The following PHF14 variants were observed in gnomAD, a reference collection of about 807,000 sequenced individuals.
The protein encoded by PHF14 is PHD finger protein 14.
In PHF14, 55 loss-of-function variants were observed where a neutral mutation model predicts 117.9. The observed-to-expected ratio is 0.47, with a 90% CI of 0.38 to 0.58. The LOEUF (loss-of-function observed/expected upper bound fraction) is 0.58, where lower values mean the gene tolerates loss of function less well. PHF14 is among the 20% of genes least tolerant of loss of function. The pLI is 0.00. For synonymous variants in PHF14, 409 were observed against 368.6 expected, an observed-to-expected ratio of 1.11 and a Z score of -1.26; for missense variants, 978 against 1,122.2, an observed-to-expected ratio of 0.87 and a Z score of 1.84.
chr7:11,078,063 G>A (rs1785933878), intron 16 of PHF14, among the ~76,000 whole-genome samples: 1 of 152,136 alleles, frequency 6.6e-6, no homozygotes, highest in East Asian at 1.9e-4. Context: ...AGTTCACACT[G>A]TGGTATTTGA....
chr7:11,024,473 AGAG>A lies in PHF14; in HGVS notation c.1317+1498_1317+1500del, dbSNP rs1440722319. On this transcript the variant is annotated intron_variant, in intron 6 of 17. Coordinates refer to ENST00000634607, the MANE Select transcript of PHF14 (RefSeq NM_001007157.2). ...GCCATCTAGGACTTACCATAGCTAG[AGAG>A]GAGAAGTCACTATCTGGCTTCTAAG... Among the ~76,000 whole-genome samples the A allele has an allele frequency of 3.9e-5, 6 of 152,320 alleles. No homozygotes were observed. In the East Asian group the frequency reaches 1.2e-3, roughly 29 times the overall value.
intron 2 of PHF14, among the ~76,000 whole-genome samples, chr7:10,981,413 T>C (rs1782040466): frequency 6.6e-6 from 1 of 152,194 alleles, no homozygotes; most frequent in Admixed American, 6.5e-5. Flanking sequence ...ATTTACTTAA[T>C]TGGGTACAAA....
Position 10,982,515 on chromosome 7 carries a change from G to A in PHF14, c.256G>A (p.Glu86Lys), listed in dbSNP as rs375426210. 4.8e-5 allele frequency: 74 copies of A among 1,546,822 alleles called. No homozygotes were observed. The highest frequency in any genetic ancestry group is 6.4e-5 in the Non-Finnish European group (72 of 1,133,826). Residue 86 changes from glutamate to lysine, a missense_variant, in exon 3 of 18, where the codon GAG becomes AAG. Glu to Lys is a moderately conservative substitution (Grantham distance 56, BLOSUM62 1). This residue lies in a region of PHF14 where 414 missense variants were observed against 376.4 expected (regional missense o/e 1.10). Coordinates refer to ENST00000634607, the MANE Select transcript of PHF14 (RefSeq NM_001007157.2). ...AGAAGAACAACTTAAAAATTCTGCA[G>A]AGGAAGAAGTACTATCATCAGAAAA... ...VKEEQLKNSA[E>K]EEVLSSEKQL...
chr7:11,153,972 T>TGTGTGTGTGTGTGTGTGTGTG (rs1562488381), intron 17 of PHF14, among the ~76,000 whole-genome samples: 2 of 151,440 alleles, frequency 1.3e-5, no homozygotes, highest in African/African-American at 4.9e-5. Context: ...TGTGTGTGTG[T>TGTGTGTGTGTGTGTGTGTGTG]TTTAAGAATA....
intron 16 of PHF14, among the ~76,000 whole-genome samples, chr7:11,096,897 G>T (rs187930669): frequency 4.7e-5 from 7 of 150,370 alleles, no homozygotes; most frequent in Admixed American, 4.0e-4. Context: ...AATGATTTCA[G>T]CCAATTCAGT....
At chr7:10,981,635 C>T (rs75979260) in intron 2 of PHF14, among the ~76,000 whole-genome samples, 3,637 of 152,276 alleles carry the variant, frequency 0.024, 61 homozygotes, top group Non-Finnish European at 0.038. Flanking sequence ...TCAATTTCTT[C>T]CATTCTAGAG....
chr7:11,049,672 C>A (rs192270563), intron 13 of PHF14, among the ~76,000 whole-genome samples: 16 of 152,186 alleles, frequency 1.1e-4, no homozygotes, highest in African/African-American at 3.1e-4. Flanking sequence ...TATTAGTTAA[C>A]TAACAATATC....
intron 17 of PHF14, among the ~76,000 whole-genome samples, chr7:11,155,817 A>G (rs1788828274): frequency 6.6e-6 from 1 of 151,762 alleles, no homozygotes; most frequent in East Asian, 1.9e-4. Context: ...ATAGCTAGCT[A>G]GTTGATGTTC....
intron 4 of PHF14, among the ~76,000 whole-genome samples, chr7:11,002,246 T>C (rs140852193): frequency 1.3e-5 from 2 of 151,944 alleles, no homozygotes; most frequent in African/African-American, 4.8e-5. Flanking sequence ...TGAGAGACAT[T>C]GGTTTAGAAG....
At chr7:11,096,399 A>C (rs1786868674) in intron 16 of PHF14, among the ~76,000 whole-genome samples, 1 of 152,168 alleles carries the variant, frequency 6.6e-6, no homozygotes, top group Non-Finnish European at 1.5e-5. Context: ...ATCATCCTCC[A>C]CAATTATTCC....
chr7:11,121,869 T>C (rs1787766675), intron 17 of PHF14, among the ~76,000 whole-genome samples: 1 of 151,944 alleles, frequency 6.6e-6, no homozygotes, highest in African/African-American at 2.4e-5. Context: ...TTTTTTTCTA[T>C]AAGTTCTGGG....
At position 10,974,286 on chromosome 7, in the gene PHF14, C is replaced by T; in HGVS notation, c.-38C>T. On this transcript the variant is annotated 5_prime_UTR_variant, in exon 1 of 18. Coordinates refer to ENST00000634607, the MANE Select transcript of PHF14 (RefSeq NM_001007157.2). ...GCTGCCTGGGCTCCTGCAGCCTCTC[C>T]CTAAGTCTTCTCCAAACGACCACCT... 1 of 1,577,492 alleles carries T rather than the reference C, an allele frequency of 6.3e-7. No individual in the cohort carries two copies. The highest frequency in any genetic ancestry group is 1.2e-5 in the South Asian group (1 of 86,436).
At chr7:11,063,290 G>A in intron 16 of PHF14, 1 of 984,274 alleles carries the variant, frequency 1.0e-6, no homozygotes, top group Non-Finnish European at 1.2e-6. Flanking sequence ...TTAGGGTAAA[G>A]TAGTAAGTAG....
At chr7:11,078,754 GAATT>G (rs1258499786) in intron 16 of PHF14, among the ~76,000 whole-genome samples, 1 of 151,872 alleles carries the variant, frequency 6.6e-6, no homozygotes, top group Non-Finnish European at 1.5e-5. Context: ...AAAAACATGG[GAATT>G]AATTATAACG....
chr7:11,090,846 A>G (rs1786616126), intron 16 of PHF14, among the ~76,000 whole-genome samples: 1 of 152,244 alleles, frequency 6.6e-6, no homozygotes, highest in Non-Finnish European at 1.5e-5. Flanking sequence ...CATATAAACC[A>G]AGGTGACAGG....
chr7:11,036,352 G>T (rs1280400479), intron 8 of PHF14, 66 bp from the exon 9 acceptor site: 2 of 1,319,424 alleles, frequency 1.5e-6, no homozygotes, highest in African/African-American at 3.0e-5. Context: ...AAAAATCAAT[G>T]TAAAAATCTT....
chr7:11,104,504 T>A (rs943771131), intron 16 of PHF14: 2 of 980,840 alleles, frequency 2.0e-6, no homozygotes, highest in African/African-American at 3.5e-5. Flanking sequence ...ACTAAATGAT[T>A]CATATTTCAC....
At chr7:11,154,051 C>T (rs542221281) in intron 17 of PHF14, among the ~76,000 whole-genome samples, 5 of 152,006 alleles carry the variant, frequency 3.3e-5, no homozygotes, top group African/African-American at 1.2e-4. Context: ...GTTCATGTCG[C>T]CGGTAGGGTC....
At chr7:11,073,878 C>T (rs995445574) in intron 16 of PHF14, among the ~76,000 whole-genome samples, 5 of 152,142 alleles carry the variant, frequency 3.3e-5, no homozygotes, top group Admixed American at 6.5e-5. Flanking sequence ...ATTGGTGGCC[C>T]GAGCTAGCTG....
Sources: allele counts gnomAD v4.1 joint callset (sites outside exome capture counted in the v4.1 genomes callset), GRCh38; gene constraint gnomAD v4.1.1; regional missense constraint gnomAD v4.1.1; transcripts MANE v1.5; gene names NCBI Gene and HGNC (gene_info 2026-07-23, HGNC 2026-07-21).